DAGLA: variants seen among roughly 807,000 people sequenced by gnomAD.
DAGLA encodes diacylglycerol lipase alpha, also known as diacylglycerol lipase-alpha.
Under a neutral mutation model 102.6 loss-of-function variants are expected in DAGLA, and 22 were observed. That is an observed-to-expected ratio of 0.21 (90% CI 0.15 to 0.31). The LOEUF is 0.31. Ranked by LOEUF, DAGLA falls within the 10% of genes least tolerant of loss-of-function variation. DAGLA has a pLI of 1.00. For synonymous variants in DAGLA, 578 were observed against 628.9 expected, an observed-to-expected ratio of 0.92 and a Z score of 1.21; for missense variants, 927 against 1,446.6, an observed-to-expected ratio of 0.64 and a Z score of 5.83.
At chr11:61,705,207 G>T (rs1353728590) in intron 1 of DAGLA, among the ~76,000 whole-genome samples, 5 of 152,344 alleles carry the variant, frequency 3.3e-5, no homozygotes, top group Middle Eastern at 3.4e-3. Flanking sequence ...AGACAGCTGG[G>T]GTCGTCTTTG....
intron 15 of DAGLA, 49 bp from the exon 16 acceptor site, chr11:61,738,086 T>C (rs1033048649): frequency 9.3e-6 from 14 of 1,508,184 alleles, no homozygotes; most frequent in Non-Finnish European, 1.3e-5. Flanking sequence ...ATACCTCTCA[T>C]AGCCGCTGAC....
At chr11:61,720,985 C>T in intron 3 of DAGLA, 95 bp downstream of exon 3, 1 of 1,207,058 alleles carries the variant, frequency 8.3e-7, no homozygotes, top group Non-Finnish European at 1.2e-6. Flanking sequence ...CGAGCCAGGC[C>T]CTGTTTTAGC....
chr11:61,735,662 C>T lies in DAGLA; in HGVS notation c.1212+18C>T. The T allele has an allele frequency of 6.2e-7, 1 of 1,613,608 alleles. No homozygotes were observed. Among genetic ancestry groups the T allele is most frequent in the Non-Finnish European group, 8.5e-7 (1 of 1,179,636 alleles). Reference sequence around the variant, plus strand: ...CCCCCAAGGTACGCTGCCCATGGCTCCCAGCCCCCGGGGGTGCCTGCCTCC... The same window carrying T: ...CCCCCAAGGTACGCTGCCCATGGCTTCCAGCCCCCGGGGGTGCCTGCCTCC... On this transcript the variant is annotated intron_variant, in intron 11 of 19. Coordinates refer to ENST00000257215, the MANE Select transcript of DAGLA (RefSeq NM_006133.3).
chr11:61,700,120 A>G (rs1184256839), intron 1 of DAGLA, among the ~76,000 whole-genome samples: 1 of 152,190 alleles, frequency 6.6e-6, no homozygotes, highest in African/African-American at 2.4e-5. Context: ...GGGCAGCGGC[A>G]GCAGCAGCCG....
intron 17 of DAGLA, 116 bp downstream of exon 17, chr11:61,739,777 A>G: frequency 9.0e-7 from 1 of 1,109,594 alleles, no homozygotes; most frequent in Non-Finnish European, 1.3e-6. Context: ...GGCTGGGAGA[A>G]GATGGCCCAG....
Position 61,724,711 on chromosome 11 carries a change from G to A in DAGLA, c.548+1139G>A, listed in dbSNP as rs1009414306. The stretch of plus-strand genomic sequence containing the variant: ...CCAAAATGTCAGGTCTGGGAGCCAA[G>A]GCCCCAAAGCCCATATTCCCTCCCA... On this transcript the variant is annotated intron_variant, in intron 5 of 19. Coordinates refer to ENST00000257215, the MANE Select transcript of DAGLA (RefSeq NM_006133.3). Among the ~76,000 whole-genome samples the A allele has an allele frequency of 2.6e-4, 39 of 152,316 alleles. 3 individuals carry two copies. The highest frequency in any genetic ancestry group is 2.3e-3 in the East Asian group (12 of 5,182).
In DAGLA at chr11:61,743,677, C is replaced by T. The variant is rs541505185; in HGVS notation, c.2317C>T (p.Arg773Trp). 4.1e-5 allele frequency: 66 copies of T among 1,600,696 alleles called. No individual in the cohort carries two copies. The highest frequency in any genetic ancestry group is 1.7e-4 in the Middle Eastern group (1 of 6,026). The change falls in exon 20 of 20, where the codon CGG (arginine) becomes TGG (tryptophan). Residue 773 changes from arginine to tryptophan, a missense_variant. By Grantham distance (101) the Arg-to-Trp change is moderately radical. Transcript: ENST00000257215. Reference protein sequence around the residue: ...QERLAAELQARRAPLATMESL... With the variant: ...QERLAAELQAWRAPLATMESL... ...GCGGCTGGCGGCGGAGCTGCAGGCC[C>T]GGCGGGCACCACTGGCCACCATGGA...
intron 1 of DAGLA, among the ~76,000 whole-genome samples, chr11:61,700,648 A>T (rs1020976679): frequency 1.3e-5 from 2 of 152,196 alleles, no homozygotes; most frequent in Non-Finnish European, 2.9e-5. Flanking sequence ...TCTCTCCCAC[A>T]GCTGGGACCC....
At chr11:61,733,955 C>T (rs1038135759) in intron 9 of DAGLA, among the ~76,000 whole-genome samples, 2 of 152,282 alleles carry the variant, frequency 1.3e-5, no homozygotes, top group African/African-American at 2.4e-5. Flanking sequence ...GGCCAGGCCA[C>T]GCTGTCTCAG....
At chr11:61,732,844 C>T (rs2065387692) in intron 9 of DAGLA, among the ~76,000 whole-genome samples, 1 of 152,168 alleles carries the variant, frequency 6.6e-6, no homozygotes, top group Non-Finnish European at 1.5e-5. Context: ...GCCTCGGGCC[C>T]AGGCCTCTCC....
intron 1 of DAGLA, among the ~76,000 whole-genome samples, chr11:61,695,950 G>A (rs1399685504): frequency 1.3e-5 from 2 of 152,182 alleles, no homozygotes; most frequent in Non-Finnish European, 2.9e-5. Flanking sequence ...AGGGGCTGTG[G>A]TGACCGTTCT....
At chr11:61,737,866 A>G (rs906215162) in intron 15 of DAGLA, 111 bp downstream of exon 15, 8 of 1,011,874 alleles carry the variant, frequency 7.9e-6, no homozygotes, top group South Asian at 1.4e-5. Context: ...CTGTCTCTCA[A>G]GGGACCCCAC....
At chr11:61,712,719 T>C (rs731842) in intron 1 of DAGLA, among the ~76,000 whole-genome samples, 25,222 of 152,114 alleles carry the variant, frequency 0.17, 2,309 homozygotes, top group East Asian at 0.27. Context: ...GTCTCCCTTG[T>C]CACCTCTCCC....
chr11:61,700,117 G>A (rs912616851), intron 1 of DAGLA, among the ~76,000 whole-genome samples: 2 of 152,214 alleles, frequency 1.3e-5, no homozygotes, highest in African/African-American at 4.8e-5. Context: ...CCAGGGCAGC[G>A]GCAGCAGCAG....
At chr11:61,711,520 G>A (rs1168965682) in intron 1 of DAGLA, among the ~76,000 whole-genome samples, 2 of 152,210 alleles carry the variant, frequency 1.3e-5, no homozygotes, top group South Asian at 2.1e-4. Flanking sequence ...GAAGGCTGGG[G>A]GCAGGAGGAG....
chr11:61,728,770 T>G (rs2065351532), intron 7 of DAGLA, among the ~76,000 whole-genome samples, 161 bp from the exon 8 acceptor site: 1 of 152,204 alleles, frequency 6.6e-6, no homozygotes, highest in Non-Finnish European at 1.5e-5. Context: ...ACCTCAGATT[T>G]TGGAAAAGTG....
At position 61,686,427 on chromosome 11, in the gene DAGLA, G is replaced by A. The variant is rs1448410878; in HGVS notation, c.-45+5923G>A. Among the ~76,000 whole-genome samples the A allele has an allele frequency of 1.3e-5, 2 of 152,160 alleles. No individual in the cohort carries two copies. The highest frequency in any genetic ancestry group is 2.9e-5 in the Non-Finnish European group (2 of 68,030). On this transcript the variant is annotated intron_variant, in intron 1 of 19. Coordinates refer to ENST00000257215, the MANE Select transcript of DAGLA (RefSeq NM_006133.3). The surrounding 1 kb of genome is among the most constrained non-coding windows in gnomAD (Gnocchi z 5.2). ...CAGTGTTCACAGCACTTATTTCCAG[G>A]CATTTGATCATTTTCTCACCAAATT...
intron 14 of DAGLA, 144 bp downstream of exon 14, chr11:61,737,468 G>A: frequency 8.1e-7 from 1 of 1,237,678 alleles, no homozygotes; most frequent in Non-Finnish European, 1.1e-6. Flanking sequence ...GAGGGTGGGG[G>A]CTCTGAAATG....
intron 1 of DAGLA, among the ~76,000 whole-genome samples, chr11:61,716,199 C>G (rs117317603): frequency 1.3e-5 from 2 of 151,926 alleles, no homozygotes. Context: ...ACCCTGGCCC[C>G]GGGGACTGTT....
Sources: allele counts gnomAD v4.1 joint callset (sites outside exome capture counted in the v4.1 genomes callset), GRCh38; gene constraint gnomAD v4.1.1; non-coding constraint Gnocchi (gnomAD v3.1); transcripts MANE v1.5; gene names NCBI Gene and HGNC (gene_info 2026-07-23, HGNC 2026-07-21).